Variants in CCDC146 observed in about 807,000 individuals in gnomAD.
CCDC146 encodes the protein coiled-coil domain containing 146.
A neutral mutation model predicts 119.3 loss-of-function variants in CCDC146; 92 were observed. The ratio of observed to expected loss-of-function variants is 0.77; its 90% CI spans 0.65 to 0.92. The LOEUF is 0.92. Among genes scored for constraint, CCDC146 ranks in the 40% least tolerant of loss-of-function variants. CCDC146 has a pLI of 0.00. For missense variants in CCDC146, 1,000 were observed against 1,103.0 expected, an observed-to-expected ratio of 0.91 and a Z score of 1.32; for synonymous variants, 372 against 371.8, an observed-to-expected ratio of 1.00 and a Z score of -0.01.
chr7:77,248,620 T>G (rs1174720159), intron 4 of CCDC146, among the ~76,000 whole-genome samples: 1 of 152,228 alleles, frequency 6.6e-6, no homozygotes, highest in Non-Finnish European at 1.5e-5. Context: ...CTTTGGCACT[T>G]AATAGTTAGT....
At chr7:77,294,465 T>TA (rs1554364036) in intron 18 of CCDC146, among the ~76,000 whole-genome samples, 198 bp from the exon 19 acceptor site, 2 of 55,282 alleles carry the variant, frequency 3.6e-5, no homozygotes, top group African/African-American at 1.2e-4. Flanking sequence ...GAGAGGTAGG[T>TA]GTGTGTGTGT....
At chr7:77,192,571 AG>A (rs1791788060) in intron 2 of CCDC146, among the ~76,000 whole-genome samples, 5 of 152,232 alleles carry the variant, frequency 3.3e-5, no homozygotes, top group Non-Finnish European at 7.3e-5. Context: ...CAGAAGTATA[AG>A]TAGTGGTAAA....
At chr7:77,265,344 A>G (rs1205222244) in intron 9 of CCDC146, among the ~76,000 whole-genome samples, 2 of 152,248 alleles carry the variant, frequency 1.3e-5, no homozygotes, top group Non-Finnish European at 2.9e-5. Context: ...ATGGGATAAA[A>G]TGTATAATTA....
At chr7:77,232,616 C>G (rs989885155) in intron 2 of CCDC146, among the ~76,000 whole-genome samples, 9 of 152,192 alleles carry the variant, frequency 5.9e-5, no homozygotes, top group Admixed American at 5.2e-4. Context: ...TGCTCAGCCC[C>G]CAACCTGGTT....
rs1793314167 is a variant in CCDC146 at position 77,262,247 on chromosome 7, G to C, written c.1113G>C (p.Leu371Phe). The change falls in exon 9 of 19, where the codon TTG becomes TTC. Residue 371 changes from leucine to phenylalanine, a missense_variant. Physicochemically the swap from Leu to Phe is conservative, Grantham distance 22. Coordinates refer to ENST00000285871, the MANE Select transcript of CCDC146 (RefSeq NM_020879.3). ...ATTTAAGAAAGATGGAACTGCTCTT[G>C]AAAGTGTCCTGGGATGCACTTAGGC... Reference protein sequence around the residue: ...FRNLRKMELLLKVSWDALRQT... With the variant: ...FRNLRKMELLFKVSWDALRQT... 6.2e-7 allele frequency: 1 copy of C among 1,614,042 alleles called. No individual in the cohort carries two copies. Among genetic ancestry groups the C allele is most frequent in the Non-Finnish European group, 8.5e-7 (1 of 1,179,960 alleles).
chr7:77,235,932 G>T (rs776232885), intron 2 of CCDC146, among the ~76,000 whole-genome samples: 2 of 152,096 alleles, frequency 1.3e-5, no homozygotes, highest in Non-Finnish European at 2.9e-5. Flanking sequence ...TTAGCTGGGC[G>T]TGGTGGTGTG....
At chr7:77,278,585 A>G (rs1233883895) in intron 11 of CCDC146, among the ~76,000 whole-genome samples, 167 bp from the exon 12 acceptor site, 3 of 151,916 alleles carry the variant, frequency 2.0e-5, no homozygotes, top group Non-Finnish European at 4.4e-5. Flanking sequence ...AGCTGGGACT[A>G]CAGGTGCACA....
intron 6 of CCDC146, among the ~76,000 whole-genome samples, chr7:77,256,936 T>C (rs1216136258): frequency 6.6e-6 from 1 of 152,146 alleles, no homozygotes; most frequent in Non-Finnish European, 1.5e-5. Context: ...AAACCCTGTC[T>C]CTACTAAAAA....
chr7:77,278,601 A>G (rs897370382), intron 11 of CCDC146, 151 bp from the exon 12 acceptor site: 1 of 578,598 alleles, frequency 1.7e-6, no homozygotes, highest in Non-Finnish European at 3.0e-6. Flanking sequence ...GCACACCACC[A>G]TACCCAGATA....
Position 77,278,804 on chromosome 7 carries a change from G to T in CCDC146, c.1493G>T (p.Arg498Met). 2 of 1,612,994 alleles carry T rather than the reference G, an allele frequency of 1.2e-6. No individual in the cohort carries two copies. Among genetic ancestry groups the T allele is most frequent in the South Asian group, 2.2e-5 (2 of 90,962 alleles). Residue 498 changes from arginine to methionine, a missense_variant, in exon 12 of 19, where the codon AGG becomes ATG. By Grantham distance (91) the Arg-to-Met change is moderately conservative (BLOSUM62 -1). Coordinates refer to ENST00000285871, the MANE Select transcript of CCDC146 (RefSeq NM_020879.3). ...KEMKAKDLEI[R>M]IHKKKKCEIY... ...ATGAAAGCAAAGGATCTTGAAATCA[G>T]GATACACAAGAAGAAAAAATGTGAA... is the stretch of plus-strand genomic sequence containing the variant.
chr7:77,148,262 C>T (rs527731901), intron 1 of CCDC146, among the ~76,000 whole-genome samples: 51 of 152,268 alleles, frequency 3.3e-4, no homozygotes, highest in African/African-American at 8.7e-4. Flanking sequence ...ATTGGAAAAG[C>T]GCAGTATTAG....
chr7:77,202,910 G>A (rs1792018464), intron 2 of CCDC146, among the ~76,000 whole-genome samples: 2 of 152,080 alleles, frequency 1.3e-5, no homozygotes, highest in African/African-American at 2.4e-5. Context: ...ACATTGCCAC[G>A]TAGGAGGAAA....
At chr7:77,206,075 A>G (rs1156526305) in intron 2 of CCDC146, among the ~76,000 whole-genome samples, 2 of 152,222 alleles carry the variant, frequency 1.3e-5, no homozygotes, top group Admixed American at 1.3e-4. Context: ...CACGCTACGC[A>G]TGTCCATAGA....
chr7:77,142,286 T>C (rs1790944803), intron 1 of CCDC146, among the ~76,000 whole-genome samples: 3 of 151,370 alleles, frequency 2.0e-5, no homozygotes, highest in African/African-American at 7.3e-5. Context: ...TGTCTCTGTT[T>C]GCAGATGACA....
intron 4 of CCDC146, among the ~76,000 whole-genome samples, chr7:77,243,782 G>A (rs975556636): frequency 2.0e-5 from 3 of 152,230 alleles, no homozygotes; most frequent in Non-Finnish European, 4.4e-5. Flanking sequence ...ATACCTGCCA[G>A]TGGGACAAGA....
chr7:77,172,180 C>T (rs1228707107), intron 2 of CCDC146, among the ~76,000 whole-genome samples: 1 of 152,222 alleles, frequency 6.6e-6, no homozygotes, highest in Non-Finnish European at 1.5e-5. Context: ...TCCGTAACAA[C>T]ACCACTAAGA....
intron 2 of CCDC146, among the ~76,000 whole-genome samples, chr7:77,185,742 G>T (rs751373553): frequency 1.3e-5 from 2 of 152,124 alleles, no homozygotes; most frequent in Non-Finnish European, 2.9e-5. Flanking sequence ...GTCACCAAAT[G>T]AGCTAAATAA....
chr7:77,202,597 T>C (rs1792013288), intron 2 of CCDC146, among the ~76,000 whole-genome samples: 1 of 152,168 alleles, frequency 6.6e-6, no homozygotes, highest in African/African-American at 2.4e-5. Context: ...CACTGACAGG[T>C]GACCTGCTAG....
At chr7:77,197,068 G>A in intron 2 of CCDC146, 1 of 848,344 alleles carries the variant, frequency 1.2e-6, no homozygotes. Context: ...TACAAAAGCA[G>A]TTTGATAATT....
Sources: gnomAD v4.1 joint callset for allele counts (sites outside exome capture counted in the v4.1 genomes callset) on GRCh38, gnomAD v4.1.1 for gene constraint, MANE v1.5 for transcripts, NCBI Gene and HGNC (gene_info 2026-07-23, HGNC 2026-07-21) for gene names.